The following AXDND1 variants were observed in gnomAD, a reference collection of about 807,000 sequenced individuals.
AXDND1 encodes the protein axonemal dynein light chain domain-containing protein 1.
AXDND1 carries 110 observed loss-of-function variants against 137.5 expected under a neutral mutation model. The observed-to-expected ratio is 0.80, with a 90% CI of 0.69 to 0.94. The LOEUF (loss-of-function observed/expected upper bound fraction) is 0.94. Ranked by LOEUF, AXDND1 falls within the 40% of genes least tolerant of loss-of-function variation. AXDND1 has a pLI of 0.00. For synonymous variants in AXDND1, 414 were observed against 399.7 expected, an observed-to-expected ratio of 1.04 and a Z score of -0.43; for missense variants, 1,191 against 1,169.8, an observed-to-expected ratio of 1.02 and a Z score of -0.26.
intron 11 of AXDND1, 94 bp from the exon 12 acceptor site, chr1:179,411,052 T>G: frequency 1.0e-6 from 1 of 970,836 alleles, no homozygotes; most frequent in African/African-American, 1.7e-5. Flanking sequence ...AGGAACACAT[T>G]ACCTATTTTA....
At chr1:179,400,928 GA>G (rs1224121493) in intron 11 of AXDND1, among the ~76,000 whole-genome samples, 12 of 77,304 alleles carry the variant, frequency 1.6e-4, no homozygotes, top group South Asian at 8.7e-4. Context: ...AAAAAAAAAA[GA>G]AAAAAAAAAG....
At chr1:179,411,434 T>A (rs946548033) in intron 12 of AXDND1, among the ~76,000 whole-genome samples, 168 bp downstream of exon 12, 5 of 152,184 alleles carry the variant, frequency 3.3e-5, no homozygotes, top group Non-Finnish European at 7.3e-5. Context: ...AACCTCTGAC[T>A]CTTGGGTTCA....
chr1:179,505,318 T>C (rs1198456511), intron 20 of AXDND1, among the ~76,000 whole-genome samples: 2 of 151,952 alleles, frequency 1.3e-5, no homozygotes, highest in South Asian at 2.1e-4. Flanking sequence ...TCTGCTTCTT[T>C]CCAGCCAAGG....
intron 20 of AXDND1, among the ~76,000 whole-genome samples, chr1:179,503,707 C>T (rs375651139): frequency 6.6e-6 from 1 of 151,996 alleles, no homozygotes; most frequent in Non-Finnish European, 1.5e-5. Flanking sequence ...CTCCCCCCTG[C>T]CCTCACCCCA....
intron 23 of AXDND1, 79 bp from the exon 24 acceptor site, chr1:179,533,716 G>T: frequency 2.7e-5 from 28 of 1,054,464 alleles, no homozygotes; most frequent in Non-Finnish European, 3.1e-5. Flanking sequence ...TAGAAGGTTT[G>T]ATCCAGAACA....
intron 11 of AXDND1, among the ~76,000 whole-genome samples, chr1:179,405,517 A>C (rs563805436): frequency 6.6e-6 from 1 of 152,278 alleles, no homozygotes; most frequent in South Asian, 2.1e-4. Flanking sequence ...TAATGGTTGA[A>C]CTAATTTACA....
chr1:179,438,912 T>G (rs1289926477), intron 15 of AXDND1, among the ~76,000 whole-genome samples: 1 of 152,116 alleles, frequency 6.6e-6, no homozygotes, highest in African/African-American at 2.4e-5. Flanking sequence ...TCTCTTGAAT[T>G]GGTCCTTTCC....
chr1:179,392,545 C>T (rs1244960865), intron 9 of AXDND1, among the ~76,000 whole-genome samples: 1 of 152,202 alleles, frequency 6.6e-6, no homozygotes, highest in African/African-American at 2.4e-5. Context: ...TTTGAAGAAT[C>T]TCCATACTGT....
chr1:179,427,220 A>G (rs991944211), intron 12 of AXDND1, among the ~76,000 whole-genome samples: 11 of 152,180 alleles, frequency 7.2e-5, no homozygotes, highest in Non-Finnish European at 1.0e-4. Context: ...TTTAGTTTAT[A>G]TATGCACACA....
At chr1:179,390,022 T>G (rs1649895174) in intron 9 of AXDND1, among the ~76,000 whole-genome samples, 1 of 151,728 alleles carries the variant, frequency 6.6e-6, no homozygotes, top group Admixed American at 6.6e-5. Flanking sequence ...GATCAGTTTT[T>G]TTTTTTTTTT....
At position 179,433,782 on chromosome 1, in the gene AXDND1, A is replaced by G. The variant is rs139856823; in HGVS notation, c.1563+1440A>G. 4.7e-3 allele frequency among the ~76,000 whole-genome samples: 711 copies of G among 152,278 alleles called. 1 individual carries two copies. The highest frequency in any genetic ancestry group is 8.2e-3 in the Non-Finnish European group (558 of 68,034). Reference sequence around the variant, plus strand: ...TTTTCTGAGGAGTGTTTTACTTCCAATTGTGTGGATGATTTTAGAATAAGT... The same window carrying G: ...TTTTCTGAGGAGTGTTTTACTTCCAGTTGTGTGGATGATTTTAGAATAAGT... On this transcript the variant is annotated intron_variant, in intron 15 of 25. Coordinates refer to ENST00000367618, the MANE Select transcript of AXDND1 (RefSeq NM_144696.6).
chr1:179,374,668 G>A (rs144473675), intron 4 of AXDND1, among the ~76,000 whole-genome samples: 5 of 152,046 alleles, frequency 3.3e-5, no homozygotes, highest in South Asian at 2.1e-4. Flanking sequence ...AGTTCATGTC[G>A]TTTGTAGGGA....
intron 7 of AXDND1, among the ~76,000 whole-genome samples, chr1:179,382,989 A>G (rs1648625890): frequency 6.6e-6 from 1 of 152,100 alleles, no homozygotes; most frequent in Non-Finnish European, 1.5e-5. Flanking sequence ...CATATATAGC[A>G]TAATATTTAA....
intron 24 of AXDND1, chr1:179,534,480 C>A: frequency 3.0e-6 from 1 of 334,024 alleles, no homozygotes; most frequent in Non-Finnish European, 5.2e-6. Flanking sequence ...TTCCAGATAC[C>A]CCAAATCAGA....
rs1357251242 is a variant in AXDND1, at chr1:179,366,596, A to C, written c.87A>C (p.Glu29Asp). The C allele has an allele frequency of 6.2e-7, 1 of 1,608,990 alleles. No homozygotes were observed. Among genetic ancestry groups the C allele is most frequent in the Non-Finnish European group, 8.5e-7 (1 of 1,175,538 alleles). The change falls in exon 2 of 26, where the codon GAA (glutamate) becomes GAC (aspartate). Residue 29 changes from glutamate (E) to aspartate (D), a missense_variant. By Grantham distance (45) the Glu-to-Asp change is conservative. Transcript: ENST00000367618. ...SKKLKVSVAK[E>D]GTRGLPELKE... is the part of the protein sequence containing the mutation. ...AGTTAAAAGTGTCTGTAGCCAAGGAAGGGACAAGAGGTAAACTTCGTTGAT... is the reference window on the plus strand; with the variant it reads ...AGTTAAAAGTGTCTGTAGCCAAGGACGGGACAAGAGGTAAACTTCGTTGAT...
intron 16 of AXDND1, chr1:179,448,169 C>A: frequency 1.1e-6 from 1 of 923,656 alleles, no homozygotes; most frequent in Middle Eastern, 2.4e-4. Flanking sequence ...AGCTGTCGCA[C>A]CCTCTGTGTT....
chr1:179,377,460 T>C (rs1329450787), intron 4 of AXDND1, among the ~76,000 whole-genome samples: 1 of 152,180 alleles, frequency 6.6e-6, no homozygotes, highest in African/African-American at 2.4e-5. Flanking sequence ...GATGAATTAA[T>C]GCCTATTGTT....
intron 25 of AXDND1, 170 bp downstream of exon 25, chr1:179,535,132 C>CTA: frequency 1.0e-6 from 1 of 997,222 alleles, no homozygotes. Flanking sequence ...ATTCGGACAA[C>CTA]TCACAAAAAG....
At chr1:179,394,605 A>G (rs1160316596) in intron 10 of AXDND1, among the ~76,000 whole-genome samples, 1 of 151,968 alleles carries the variant, frequency 6.6e-6, no homozygotes, top group Non-Finnish European at 1.5e-5. Flanking sequence ...AATAAAATAA[A>G]ATAAAATACA....
Sources: allele counts gnomAD v4.1 joint callset (sites outside exome capture counted in the v4.1 genomes callset), GRCh38; gene constraint gnomAD v4.1.1; transcripts MANE v1.5; gene names NCBI Gene and HGNC (gene_info 2026-07-23, HGNC 2026-07-21).